Variants in UBE2D2 observed in about 807,000 individuals in gnomAD.
UBE2D2 encodes ubiquitin conjugating enzyme E2 D2.
A neutral mutation model predicts 24.2 loss-of-function variants in UBE2D2; 2 were observed. The observed-to-expected ratio is 0.08, with a 90% CI of 0.03 to 0.26. UBE2D2 has a LOEUF of 0.26. UBE2D2 is among the 10% of genes least tolerant of loss of function. The pLI is 1.00. For missense variants in UBE2D2, 44 were observed against 177.6 expected (o/e 0.25, Z 4.28); for synonymous variants, 58 against 56.5 (o/e 1.03, Z -0.12).
At chr5:139,533,686 T>C (rs1234970442) in intron 1 of UBE2D2, among the ~76,000 whole-genome samples, 1 of 150,528 alleles carries the variant, frequency 6.6e-6, no homozygotes, top group African/African-American at 2.4e-5. Flanking sequence ...AGAAAAGGAT[T>C]GATAAATTGA....
chr5:139,554,295 A>T (rs1752954524), intron 1 of UBE2D2, among the ~76,000 whole-genome samples: 1 of 152,016 alleles, frequency 6.6e-6, no homozygotes, highest in Non-Finnish European at 1.5e-5. Context: ...CAGCCTCCCG[A>T]GTGGCTGGGA....
intron 6 of UBE2D2, among the ~76,000 whole-genome samples, chr5:139,623,941 T>C (rs1337185828): frequency 6.6e-6 from 1 of 152,200 alleles, no homozygotes; most frequent in African/African-American, 2.4e-5. Context: ...TCTGCCTGCC[T>C]AGGCCTCCCA....
At chr5:139,598,422 T>C (rs945637890) in intron 1 of UBE2D2, among the ~76,000 whole-genome samples, 5 of 152,110 alleles carry the variant, frequency 3.3e-5, no homozygotes, top group Non-Finnish European at 7.3e-5. Context: ...ATTTCCTGCC[T>C]TGTGATTTTT....
At chr5:139,575,714 G>A (rs1158071370) in intron 1 of UBE2D2, among the ~76,000 whole-genome samples, 2 of 152,160 alleles carry the variant, frequency 1.3e-5, no homozygotes, top group Admixed American at 1.3e-4. Flanking sequence ...AAATTCTTAA[G>A]GGCTTATGTC....
chr5:139,615,017 T>C (rs760833408), intron 5 of UBE2D2, 51 bp downstream of exon 5: 7 of 1,465,894 alleles, frequency 4.8e-6, no homozygotes, highest in Non-Finnish European at 6.5e-6. Flanking sequence ...CTTTTGTCTT[T>C]TTAGAGTTAT....
At chr5:139,527,808 C>T (rs1171606676) in intron 1 of UBE2D2, among the ~76,000 whole-genome samples, 1 of 152,128 alleles carries the variant, frequency 6.6e-6, no homozygotes, top group Non-Finnish European at 1.5e-5. Context: ...ATAAGGCCTC[C>T]TGTGTACTAT....
intron 1 of UBE2D2, among the ~76,000 whole-genome samples, chr5:139,532,977 A>G (rs1210305523): frequency 1.3e-5 from 2 of 150,788 alleles, no homozygotes; most frequent in Non-Finnish European, 3.0e-5. Context: ...GCGTGGTGGC[A>G]CTTGCCTGTT....
At chr5:139,606,123 C>T (rs1375397978) in intron 2 of UBE2D2, among the ~76,000 whole-genome samples, 1 of 151,660 alleles carries the variant, frequency 6.6e-6, no homozygotes, top group East Asian at 1.9e-4. Context: ...GATTCAGTCT[C>T]ATACTATCAA....
intron 5 of UBE2D2, among the ~76,000 whole-genome samples, chr5:139,619,290 GGAGGCT>G (rs1381233405): frequency 6.6e-6 from 1 of 151,904 alleles, no homozygotes; most frequent in East Asian, 1.9e-4. Context: ...CAACTACTCG[GGAGGCT>G]GAGGCACAAG....
chr5:139,542,084 G>A (rs542645924), intron 1 of UBE2D2, among the ~76,000 whole-genome samples: 2 of 152,248 alleles, frequency 1.3e-5, no homozygotes, highest in South Asian at 4.1e-4. Context: ...CTACTCAGGA[G>A]GCTGAGGCAG....
chr5:139,536,785 C>T (rs1180310933), intron 1 of UBE2D2, among the ~76,000 whole-genome samples: 2 of 152,124 alleles, frequency 1.3e-5, no homozygotes, highest in African/African-American at 4.8e-5. Context: ...CCACCGCACC[C>T]GGCCCACTTG....
upstream of UBE2D2, among the ~76,000 whole-genome samples, chr5:139,558,517 T>C (rs137862639): frequency 0.014 from 2,087 of 152,302 alleles, 48 homozygotes; most frequent in African/African-American, 0.047. Flanking sequence ...CTTGATCTCC[T>C]GACCTCGTGA....
upstream of UBE2D2, among the ~76,000 whole-genome samples, chr5:139,557,220 G>A (rs528539240): frequency 3.7e-4 from 56 of 151,578 alleles, no homozygotes; most frequent in African/African-American, 1.1e-3. Context: ...TGCAACCTCC[G>A]CCTCCCGGGT....
chr5:139,621,692 A>T (rs1369306814), intron 5 of UBE2D2, among the ~76,000 whole-genome samples: 3 of 151,914 alleles, frequency 2.0e-5, no homozygotes, highest in African/African-American at 7.3e-5. Flanking sequence ...GTGTGAACAC[A>T]GCTCAATACA....
At chr5:139,531,157 C>A (rs1375542678) in intron 1 of UBE2D2, among the ~76,000 whole-genome samples, 1 of 152,140 alleles carries the variant, frequency 6.6e-6, no homozygotes, top group Non-Finnish European at 1.5e-5. Context: ...TAAGAAAAAA[C>A]AACAAAGAAG....
chr5:139,577,006 A>G (rs1482409510), intron 1 of UBE2D2, among the ~76,000 whole-genome samples: 2 of 127,312 alleles, frequency 1.6e-5, no homozygotes, highest in South Asian at 2.4e-4. Context: ...ATTCATATGA[A>G]TTTTGCAAAT....
intron 1 of UBE2D2, among the ~76,000 whole-genome samples, chr5:139,547,168 G>A (rs1230364037): frequency 6.6e-6 from 1 of 151,760 alleles, no homozygotes; most frequent in Non-Finnish European, 1.5e-5. Context: ...GCGGGCGCCT[G>A]TAGTCCCAGC....
intron 2 of UBE2D2, among the ~76,000 whole-genome samples, chr5:139,602,726 T>C (rs1754109362): frequency 6.6e-6 from 1 of 152,098 alleles, no homozygotes; most frequent in Non-Finnish European, 1.5e-5. Context: ...AAAGAATGTG[T>C]CTGGTCTGCT....
intron 6 of UBE2D2, among the ~76,000 whole-genome samples, chr5:139,623,883 C>CT (rs1392473517): frequency 6.6e-6 from 1 of 151,900 alleles, no homozygotes; most frequent in Non-Finnish European, 1.5e-5. Flanking sequence ...TTAGTAGAGA[C>CT]TTTTACCATG....
Sources: allele counts gnomAD v4.1 joint callset (sites outside exome capture counted in the v4.1 genomes callset), GRCh38; gene constraint gnomAD v4.1.1; transcripts MANE v1.5; gene names NCBI Gene and HGNC (gene_info 2026-07-23, HGNC 2026-07-21).